CCSER1: variants seen among roughly 807,000 people sequenced by gnomAD.
The protein encoded by CCSER1 is serine-rich coiled-coil domain-containing protein 1.
A neutral mutation model predicts 82.0 loss-of-function variants in CCSER1; 41 were observed. The ratio of observed to expected loss-of-function variants is 0.50; its 90% CI spans 0.39 to 0.65. The LOEUF (loss-of-function observed/expected upper bound fraction) is 0.65, where lower values mean the gene tolerates loss of function less well. Ranked by LOEUF, CCSER1 falls within the 30% of genes least tolerant of loss-of-function variation. The probability of loss-of-function intolerance (pLI) is 0.00; values close to 1 mark genes in which losing one functional copy is unlikely to be tolerated. For synonymous variants in CCSER1, 414 were observed against 383.9 expected, an observed-to-expected ratio of 1.08 and a Z score of -0.92; for missense variants, 1,119 against 1,064.2, an observed-to-expected ratio of 1.05 and a Z score of -0.72.
intron 5 of CCSER1, among the ~76,000 whole-genome samples, chr4:90,533,236 C>T (rs1194879464): frequency 1.3e-5 from 2 of 151,768 alleles, no homozygotes; most frequent in Non-Finnish European, 2.9e-5. Flanking sequence ...GGACTACAGG[C>T]GCCTGCCACC....
chr4:91,286,423 A>G (rs1005211983), intron 10 of CCSER1, among the ~76,000 whole-genome samples: 1 of 151,850 alleles, frequency 6.6e-6, no homozygotes, highest in Non-Finnish European at 1.5e-5. Flanking sequence ...TTTGAATGCT[A>G]CTAGTACATT....
At chr4:91,431,159 C>A (rs1754281365) in intron 10 of CCSER1, among the ~76,000 whole-genome samples, 1 of 152,058 alleles carries the variant, frequency 6.6e-6, no homozygotes, top group African/African-American at 2.4e-5. Context: ...TGGCGTGAAC[C>A]CGGGAGGCGG....
At chr4:91,598,117 A>T (rs1764666663) in intron 10 of CCSER1, among the ~76,000 whole-genome samples, 1 of 152,212 alleles carries the variant, frequency 6.6e-6, no homozygotes, top group African/African-American at 2.4e-5. Context: ...TTGGTGATAC[A>T]AATCATGATA....
chr4:91,375,674 G>T (rs183262576), intron 10 of CCSER1, among the ~76,000 whole-genome samples: 5 of 152,090 alleles, frequency 3.3e-5, no homozygotes, highest in African/African-American at 1.2e-4. Context: ...TTTAGTAAAA[G>T]AATCCCTTTT....
At chr4:90,334,576 C>T (rs183033758) in intron 3 of CCSER1, among the ~76,000 whole-genome samples, 12 of 151,980 alleles carry the variant, frequency 7.9e-5, no homozygotes, top group Admixed American at 6.6e-4. Context: ...TTTCTCTCAG[C>T]ATTTAGCCAA....
At chr4:90,652,762 A>G (rs1191095443) in intron 6 of CCSER1, among the ~76,000 whole-genome samples, 1 of 152,108 alleles carries the variant, frequency 6.6e-6, no homozygotes, top group Non-Finnish European at 1.5e-5. Flanking sequence ...TCCCCATTCA[A>G]TCATTTTTGC....
At chr4:90,895,767 C>A (rs1309174308) in intron 8 of CCSER1, among the ~76,000 whole-genome samples, 1 of 151,752 alleles carries the variant, frequency 6.6e-6, no homozygotes, top group African/African-American at 2.4e-5. Context: ...ATATATATTT[C>A]TCCCCTGGGG....
chr4:90,829,467 A>C (rs894385867), intron 8 of CCSER1, among the ~76,000 whole-genome samples: 1 of 152,180 alleles, frequency 6.6e-6, no homozygotes, highest in Non-Finnish European at 1.5e-5. Context: ...AAACATGTTC[A>C]TAACCTATAT....
chr4:91,482,744 C>A (rs1468124975), intron 10 of CCSER1, among the ~76,000 whole-genome samples: 1 of 152,110 alleles, frequency 6.6e-6, no homozygotes, highest in African/African-American at 2.4e-5. Context: ...CACATATACA[C>A]CATGGAATAC....
chr4:90,854,395 G>A (rs1160086535), intron 8 of CCSER1, among the ~76,000 whole-genome samples: 1 of 152,146 alleles, frequency 6.6e-6, no homozygotes, highest in African/African-American at 2.4e-5. Flanking sequence ...TATATTTCAA[G>A]TGATTGTTGC....
In CCSER1 at chr4:90,186,775, T is replaced by C. The variant is rs187270180; in HGVS notation, c.-42+58944T>C. Among the ~76,000 whole-genome samples, 727 of 152,024 alleles carry C rather than the reference T, an allele frequency of 4.8e-3. 5 individuals are homozygous for C. The highest frequency in any genetic ancestry group is 0.017 in the African/African-American group (695 of 41,500). Reference sequence around the variant, plus strand: ...CCTTTTCTATTTTTTTGTTTGTTTTTTGCTCCTCTCTTTCTCTGTGCTTTG... The same window carrying C: ...CCTTTTCTATTTTTTTGTTTGTTTTCTGCTCCTCTCTTTCTCTGTGCTTTG... On this transcript the variant is annotated intron_variant, in intron 1 of 10. Transcript: ENST00000509176.
chr4:91,242,987 A>G (rs1739487187), intron 10 of CCSER1, among the ~76,000 whole-genome samples: 1 of 152,230 alleles, frequency 6.6e-6, no homozygotes, highest in Admixed American at 6.5e-5. Flanking sequence ...TTAACTTCAT[A>G]TGGCTAAAAG....
chr4:91,018,833 C>A (rs1459942210), intron 9 of CCSER1, among the ~76,000 whole-genome samples: 1 of 152,034 alleles, frequency 6.6e-6, no homozygotes, highest in East Asian at 1.9e-4. Flanking sequence ...AATGTTACTT[C>A]CATCAGAAGG....
chr4:90,159,625 C>T (rs570693909), intron 1 of CCSER1, among the ~76,000 whole-genome samples: 1 of 152,118 alleles, frequency 6.6e-6, no homozygotes, highest in Non-Finnish European at 1.5e-5. Context: ...TTCGATTTTT[C>T]AAAGCTTTTT....
In CCSER1 at chr4:91,109,638, T is replaced by A. The variant is rs574661757; in HGVS notation, c.2217+23644T>A. On this transcript the variant is annotated intron_variant, in intron 10 of 10. Coordinates refer to ENST00000509176, the MANE Select transcript of CCSER1 (RefSeq NM_001145065.2). ...GTGATAGTCATGTTGAAAATAATAGTTCAAGAGTTGGCAACAAGAAAATGA... is the reference window on the plus strand; with the variant it reads ...GTGATAGTCATGTTGAAAATAATAGATCAAGAGTTGGCAACAAGAAAATGA... 1.1e-3 allele frequency among the ~76,000 whole-genome samples: 164 copies of A among 152,244 alleles called. 2 individuals are homozygous for A. Among genetic ancestry groups the A allele is most frequent in the African/African-American group, 3.8e-3 (156 of 41,546 alleles).
At chr4:91,415,988 T>A (rs1753338903) in intron 10 of CCSER1, among the ~76,000 whole-genome samples, 1 of 152,136 alleles carries the variant, frequency 6.6e-6, no homozygotes, top group Admixed American at 6.6e-5. Flanking sequence ...TACTCTTATT[T>A]TATGTCTGGT....
chr4:90,594,242 A>G (rs1783040714), intron 5 of CCSER1, among the ~76,000 whole-genome samples: 1 of 152,102 alleles, frequency 6.6e-6, no homozygotes. Flanking sequence ...AAATGAAGTA[A>G]TCATGGCTCA....
chr4:90,934,642 G>A (rs7697301), intron 9 of CCSER1, among the ~76,000 whole-genome samples: 63,772 of 151,936 alleles, frequency 0.42, 13,823 homozygotes, highest in African/African-American at 0.53. Flanking sequence ...AAAAATTGGG[G>A]GACTATCTGC....
intron 5 of CCSER1, among the ~76,000 whole-genome samples, chr4:90,492,294 T>C (rs538539719): frequency 6.6e-6 from 1 of 152,298 alleles, no homozygotes; most frequent in African/African-American, 2.4e-5. Context: ...GATTTTCTAG[T>C]TGGTTTGCAT....
Sources: gnomAD v4.1 joint callset for allele counts (sites outside exome capture counted in the v4.1 genomes callset) on GRCh38, gnomAD v4.1.1 for gene constraint, MANE v1.5 for transcripts, NCBI Gene and HGNC (gene_info 2026-07-23, HGNC 2026-07-21) for gene names.